Variants in ZBBX observed in about 807,000 individuals in gnomAD.
ZBBX encodes zinc finger B-box domain-containing protein 1.
In ZBBX, 101 loss-of-function variants were observed where a neutral mutation model predicts 108.5. That is an observed-to-expected ratio of 0.93 (90% confidence interval 0.79 to 1.10). The LOEUF (loss-of-function observed/expected upper bound fraction) is 1.10. ZBBX is among the 50% of genes least tolerant of loss of function. The pLI is 0.00. For synonymous variants in ZBBX, 356 were observed against 323.4 expected, an observed-to-expected ratio of 1.10 and a Z score of -1.08; for missense variants, 1,009 against 941.4, an observed-to-expected ratio of 1.07 and a Z score of -0.94.
intron 8 of ZBBX, among the ~76,000 whole-genome samples, chr3:167,351,153 C>T (rs1404667190): frequency 3.3e-5 from 5 of 151,000 alleles, no homozygotes; most frequent in Admixed American, 3.3e-4. Flanking sequence ...ATGTTAATAA[C>T]TGATAAAATG....
intron 3 of ZBBX, 99 bp downstream of exon 3, chr3:167,373,607 G>A (rs1746494433): frequency 6.6e-6 from 1 of 152,120 alleles, no homozygotes; most frequent in Admixed American, 6.5e-5. Context: ...AATATATTAT[G>A]CATGTTATAT....
chr3:167,396,082 C>T (rs1748228087), intron 1 of ZBBX, among the ~76,000 whole-genome samples: 1 of 151,950 alleles, frequency 6.6e-6, no homozygotes, highest in African/African-American at 2.4e-5. Flanking sequence ...CAAAATTTCT[C>T]CTTACTAGTG....
At chr3:167,291,878 A>G (rs569790942) in intron 18 of ZBBX, among the ~76,000 whole-genome samples, 1 of 152,316 alleles carries the variant, frequency 6.6e-6, no homozygotes, top group African/African-American at 2.4e-5. Flanking sequence ...AACCAAATGG[A>G]AAGCAGAAAA....
chr3:167,381,362 A>G (rs1747707099), upstream of ZBBX: 1 of 152,164 alleles, frequency 6.6e-6, no homozygotes. Flanking sequence ...TGCTCAGTCT[A>G]ACTGCTTAAA....
At chr3:167,306,433 G>C (rs1733657362) in intron 16 of ZBBX, among the ~76,000 whole-genome samples, 1 of 152,178 alleles carries the variant, frequency 6.6e-6, no homozygotes, top group African/African-American at 2.4e-5. Flanking sequence ...ATGTGTAGCA[G>C]GGACACCTGC....
intron 8 of ZBBX, among the ~76,000 whole-genome samples, chr3:167,358,300 A>G (rs1310308362): frequency 1.3e-5 from 2 of 151,820 alleles, no homozygotes; most frequent in Admixed American, 6.6e-5. Flanking sequence ...ATAGTGTATG[A>G]TTTTACTTAT....
At chr3:167,258,837 G>A (rs1286368369) in intron 20 of ZBBX, among the ~76,000 whole-genome samples, 1 of 152,086 alleles carries the variant, frequency 6.6e-6, no homozygotes, top group Non-Finnish European at 1.5e-5. Flanking sequence ...TGATCAAGGT[G>A]GATTATCTTT....
In ZBBX at chr3:167,315,969, A is replaced by G. The variant is rs1735384967; in HGVS notation, c.1195-140T>C. ...GAGCTCTAATTATATTTTATAACACATAAGTTCTAGGAGAACTAAACAAAT... is the reference window on the plus strand; with the variant it reads ...GAGCTCTAATTATATTTTATAACACGTAAGTTCTAGGAGAACTAAACAAAT... On this transcript the variant is annotated intron_variant, in intron 14 of 21. Transcript: ENST00000675490. 2.0e-5 allele frequency: 11 copies of G among 537,740 alleles called. No homozygotes were observed. In the South Asian group the frequency reaches 3.0e-4, roughly 15 times the overall value. The allele number at this position is 537,740 out of a possible 1,614,324, so 33.3% of individuals were successfully genotyped here.
At chr3:167,341,538 A>G (rs1455871733) in intron 9 of ZBBX, among the ~76,000 whole-genome samples, 1 of 151,958 alleles carries the variant, frequency 6.6e-6, no homozygotes, top group Non-Finnish European at 1.5e-5. Context: ...TGTGCCTTTC[A>G]ATTTTCATTA....
chr3:167,205,649 T>C, the ZBBX span, among the ~76,000 whole-genome samples: 1 of 152,196 alleles, frequency 6.6e-6, no homozygotes, highest in Non-Finnish European at 1.5e-5. Flanking sequence ...AAGAGTGTCA[T>C]GACGTTCCTA....
chr3:167,262,928 C>G (rs1405251672), intron 20 of ZBBX, among the ~76,000 whole-genome samples: 2 of 150,876 alleles, frequency 1.3e-5, no homozygotes, highest in Admixed American at 1.3e-4. Context: ...TTTCATTGAT[C>G]TTTTGTGTTG....
chr3:167,279,890 C>T (rs965225570), intron 20 of ZBBX, among the ~76,000 whole-genome samples: 5 of 151,976 alleles, frequency 3.3e-5, no homozygotes, highest in Non-Finnish European at 7.4e-5. Flanking sequence ...GTACTGGTAC[C>T]AAAACAGAGA....
chr3:167,247,895 C>A (rs1184844409), intron 20 of ZBBX, among the ~76,000 whole-genome samples: 1 of 152,182 alleles, frequency 6.6e-6, no homozygotes, highest in Non-Finnish European at 1.5e-5. Context: ...AGCTCTGTTT[C>A]CCTTCAAAAC....
At chr3:167,199,367 C>CAAGTAATCATCA in the ZBBX span, among the ~76,000 whole-genome samples, 15 of 152,102 alleles carry the variant, frequency 9.9e-5, no homozygotes, top group Non-Finnish European at 1.9e-4. Context: ...ATACTTTAGG[C>CAAGTAATCATCA]AGTGAGACTC....
chr3:167,288,780 G>T (rs7625639), intron 19 of ZBBX, 87 bp downstream of exon 19: 212,535 of 630,394 alleles, frequency 0.34, 37,992 homozygotes, highest in East Asian at 0.64. Context: ...AAACTAAATT[G>T]CAGGTGCCTA....
intron 20 of ZBBX, among the ~76,000 whole-genome samples, chr3:167,269,450 C>G (rs750408171): frequency 6.6e-6 from 1 of 152,124 alleles, no homozygotes; most frequent in African/African-American, 2.4e-5. Context: ...ATAAGTTAGT[C>G]TAAAAGGATT....
intron 14 of ZBBX, 92 bp from the exon 15 acceptor site, chr3:167,315,921 T>G (rs892631850): frequency 1.4e-6 from 1 of 727,156 alleles, no homozygotes; most frequent in Non-Finnish European, 2.2e-6. Context: ...TGGAGTACAT[T>G]TTTCCTACAA....
chr3:167,214,446 T>C, the ZBBX span, among the ~76,000 whole-genome samples: 1 of 152,200 alleles, frequency 6.6e-6, no homozygotes, highest in African/African-American at 2.4e-5. Flanking sequence ...CTAACTAATT[T>C]AAATACATAT....
intron 20 of ZBBX, among the ~76,000 whole-genome samples, chr3:167,263,754 A>C (rs1724993916): frequency 6.6e-6 from 1 of 152,218 alleles, no homozygotes; most frequent in South Asian, 2.1e-4. Context: ...GTGCATATTA[A>C]GTCTAGTGTT....
Sources: allele counts gnomAD v4.1 joint callset (sites outside exome capture counted in the v4.1 genomes callset), GRCh38; gene constraint gnomAD v4.1.1; transcripts MANE v1.5; gene names NCBI Gene and HGNC (gene_info 2026-07-23, HGNC 2026-07-21).